Variants in GTF3C4 observed in about 807,000 individuals in gnomAD.
GTF3C4 encodes general transcription factor 3C polypeptide 4.
A neutral mutation model predicts 67.5 loss-of-function variants in GTF3C4; 28 were observed. The ratio of observed to expected loss-of-function variants is 0.41; its 90% CI spans 0.31 to 0.57. GTF3C4 has a LOEUF of 0.57. Among genes scored for constraint, GTF3C4 ranks in the 20% least tolerant of loss-of-function variants. The pLI is 0.21. For missense variants in GTF3C4, 831 were observed against 1,033.2 expected (o/e 0.80, Z 2.68); for synonymous variants, 409 against 393.0 (o/e 1.04, Z -0.48).
At chr9:132,677,101 A>G (rs74438718) in intron 1 of GTF3C4, among the ~76,000 whole-genome samples, 15,755 of 151,976 alleles carry the variant, frequency 0.1, 973 homozygotes, top group Admixed American at 0.18. Context: ...TCCCTTTAAA[A>G]TCTTATTAAA....
chr9:132,670,066 G>C, upstream of GTF3C4: 1 of 1,562,644 alleles, frequency 6.4e-7, no homozygotes, highest in East Asian at 2.4e-5. Flanking sequence ...CAGCTGTACG[G>C]ACTCGTCCCG....
At position 132,678,449 on chromosome 9, in the gene GTF3C4, C is replaced by T; in HGVS notation, c.830C>T (p.Ala277Val). Residue 277 changes from alanine to valine, a missense_variant, in exon 2 of 5, where the codon GCT (alanine) becomes GTT (valine). Physicochemically the swap from Ala to Val is moderately conservative, Grantham distance 64. This residue lies in a region of GTF3C4 where 390 missense variants were observed against 540.3 expected (regional missense o/e 0.72). Transcript: ENST00000372146. This position sits in a 1 kb window ranked among gnomAD's most constrained non-coding sequence, Gnocchi z 6.5. ...ECRDVGSVLLAVLFENGNIAV... is the reference protein window; with the variant it reads ...ECRDVGSVLLVVLFENGNIAV... ...CGGGACGTTGGCAGTGTGCTCCTGG[C>T]TGTCCTCTTTGAAAACGGTAATATC... 2 of 1,614,214 alleles carry T rather than the reference C, an allele frequency of 1.2e-6. No homozygotes were observed. Among genetic ancestry groups the T allele is most frequent in the Non-Finnish European group, 1.7e-6 (2 of 1,180,032 alleles).
chr9:132,670,993 T>G (rs747158641), intron 1 of GTF3C4, 38 bp downstream of exon 1: 2 of 1,400,856 alleles, frequency 1.4e-6, no homozygotes, highest in Non-Finnish European at 2.0e-6. Context: ...TCTTCCCCTG[T>G]CCCCCTCTCG....
At chr9:132,673,754 G>A (rs779969890) in intron 1 of GTF3C4, among the ~76,000 whole-genome samples, 8 of 152,156 alleles carry the variant, frequency 5.3e-5, no homozygotes, top group African/African-American at 1.9e-4. Flanking sequence ...CTATAATTCT[G>A]TTATTTAGAT....
At chr9:132,685,473 A>C (rs1475970085) in intron 3 of GTF3C4, among the ~76,000 whole-genome samples, 1 of 150,594 alleles carries the variant, frequency 6.6e-6, no homozygotes, top group African/African-American at 2.4e-5. Flanking sequence ...TTACCCCCTT[A>C]TTATAATTTG....
chr9:132,677,066 T>G (rs900377568), intron 1 of GTF3C4, among the ~76,000 whole-genome samples: 2 of 152,194 alleles, frequency 1.3e-5, no homozygotes, highest in Non-Finnish European at 2.9e-5. Context: ...CTTTTGGTCA[T>G]TTATCTCTTC....
chr9:132,684,592 C>T (rs1013742335), intron 3 of GTF3C4, among the ~76,000 whole-genome samples: 8 of 152,196 alleles, frequency 5.3e-5, no homozygotes, highest in African/African-American at 1.9e-4. Context: ...TTTGTCCTCC[C>T]GCTGACCTCA....
In GTF3C4 at chr9:132,678,076, C is replaced by T. The variant is rs965874077; in HGVS notation, c.457C>T (p.Pro153Ser). 7 of 1,614,042 alleles carry T rather than the reference C, an allele frequency of 4.3e-6. No homozygotes were observed. In the Admixed American group the frequency reaches 1.2e-4, roughly 27 times the overall value. ...QTFMLDRVFN[P>S]EGKALPPMRG... Reference sequence around the variant, plus strand: ...TTTCATGTTGGATAGGGTGTTCAACCCTGAGGGGAAGGCTTTACCACCAAT... The same window carrying T: ...TTTCATGTTGGATAGGGTGTTCAACTCTGAGGGGAAGGCTTTACCACCAAT... Residue 153 changes from proline to serine, a missense_variant, in exon 2 of 5, where the codon CCT becomes TCT. Pro to Ser is a moderately conservative substitution (Grantham distance 74). This residue lies in a region of GTF3C4 where 390 missense variants were observed against 540.3 expected (regional missense o/e 0.72). Transcript: ENST00000372146. This position sits in a 1 kb window ranked among gnomAD's most constrained non-coding sequence, Gnocchi z 6.5.
At position 132,691,850 on chromosome 9, in the gene GTF3C4, A is replaced by G. The variant is rs945477077; in HGVS notation, c.*2905A>G. Reference sequence around the variant, plus strand: ...TTTTTGAGAATGTTAATGTTGAAGTATGCAGGCTGGACCTACCAGCAAGTT... The same window carrying G: ...TTTTTGAGAATGTTAATGTTGAAGTGTGCAGGCTGGACCTACCAGCAAGTT... On this transcript the variant is annotated 3_prime_UTR_variant, in exon 5 of 5. Transcript: ENST00000372146. 6.6e-6 allele frequency: 1 copy of G among 152,246 alleles called. No homozygotes were observed. Among genetic ancestry groups the G allele is most frequent in the African/African-American group, 2.4e-5 (1 of 41,462 alleles). 9.4% of individuals were successfully genotyped at this position (152,246 alleles called of 1,614,324 possible).
chr9:132,671,086 A>G, intron 1 of GTF3C4, 131 bp downstream of exon 1: 1 of 677,226 alleles, frequency 1.5e-6, no homozygotes, highest in Non-Finnish European at 2.5e-6. Flanking sequence ...CTGGGGATTT[A>G]TTAAGCAGCC....
chr9:132,678,269 A>G lies in GTF3C4; in HGVS notation c.650A>G (p.Tyr217Cys), dbSNP rs1835891422. The change falls in exon 2 of 5, where the codon TAT (tyrosine) becomes TGT (cysteine). Residue 217 changes from tyrosine to cysteine, a missense_variant. Around this residue, in one of 4 missense-constraint regions of GTF3C4, gnomAD observed 390 missense variants for 540.3 expected, o/e 0.72. Coordinates refer to ENST00000372146, the MANE Select transcript of GTF3C4 (RefSeq NM_012204.4). The surrounding 1 kb of genome is among the most constrained non-coding windows in gnomAD (Gnocchi z 6.5). ...DLTEIYGERL[Y>C]ETSYRLSKNE... ...ACTGAGATCTATGGAGAACGTCTTT[A>G]TGAGACCAGTTACAGGCTCTCTAAA... is the stretch of plus-strand genomic sequence containing the variant. The G allele has an allele frequency of 6.2e-7, 1 of 1,614,216 alleles. No homozygotes were observed. Among genetic ancestry groups the G allele is most frequent in the Non-Finnish European group, 8.5e-7 (1 of 1,180,032 alleles).
chr9:132,679,955 C>A lies in GTF3C4; in HGVS notation c.2184+152C>A. 2 of 611,722 alleles carry A rather than the reference C, an allele frequency of 3.3e-6. No individual in the cohort carries two copies. The highest frequency in any genetic ancestry group is 5.6e-6 in the Non-Finnish European group (2 of 357,418). 37.9% of individuals were successfully genotyped at this position (611,722 alleles called of 1,614,324 possible). A position where few individuals can be genotyped will look rare whatever the true frequency, so the allele number is the denominator to read the frequency against. On this transcript the variant is annotated intron_variant, in intron 2 of 4. Transcript: ENST00000372146. This position sits in a 1 kb window ranked among gnomAD's most constrained non-coding sequence, Gnocchi z 5.9. ...GAGGTGCAGGGTAATAAATAGGAAG[C>A]GTGGATTAATGCAGAGGATGCATTC... is the stretch of plus-strand genomic sequence containing the variant.
intron 1 of GTF3C4, among the ~76,000 whole-genome samples, chr9:132,672,142 A>T (rs546848916): frequency 6.6e-6 from 1 of 152,230 alleles, no homozygotes; most frequent in African/African-American, 2.4e-5. Context: ...CAAATCAGAT[A>T]GACAGATGCA....
At chr9:132,688,024 T>C (rs962028559) in intron 4 of GTF3C4, among the ~76,000 whole-genome samples, 21 of 152,260 alleles carry the variant, frequency 1.4e-4, no homozygotes, top group Non-Finnish European at 4.4e-5. Context: ...ACATAAATTC[T>C]TGAGCTTTGC....
At chr9:132,688,324 A>G (rs1339809814) in intron 4 of GTF3C4, among the ~76,000 whole-genome samples, 1 of 152,238 alleles carries the variant, frequency 6.6e-6, no homozygotes, top group African/African-American at 2.4e-5. Flanking sequence ...TAGGCAGGAA[A>G]TCTGGAAGAG....
At chr9:132,670,319 G>A, upstream of GTF3C4, 3 of 1,481,608 alleles carry the variant, frequency 2.0e-6, no homozygotes, top group East Asian at 2.4e-5. Flanking sequence ...AGCCTGTCTG[G>A]GTAGCTCCCT....
chr9:132,687,253 A>G lies in GTF3C4; in HGVS notation c.2330A>G (p.Tyr777Cys), dbSNP rs1836045572. The G allele has an allele frequency of 6.4e-7, 1 of 1,565,036 alleles. No homozygotes were observed. Residue 777 changes from tyrosine to cysteine, a missense_variant, in exon 4 of 5, where the codon TAC becomes TGC. Coordinates refer to ENST00000372146, the MANE Select transcript of GTF3C4 (RefSeq NM_012204.4). ...GHIWLRCFLT[Y>C]QSCQSLIYRR... Reference sequence around the variant, plus strand: ...TCTTCTTTCAGGTGCTTCTTAACCTACCAGTCCTGCCAGAGTTTGATATAT... The same window carrying G: ...TCTTCTTTCAGGTGCTTCTTAACCTGCCAGTCCTGCCAGAGTTTGATATAT...
In GTF3C4 at chr9:132,670,615, A is replaced by G; in HGVS notation, c.17A>G (p.Gln6Arg). 6.9e-7 allele frequency: 1 copy of G among 1,447,676 alleles called. No individual in the cohort carries two copies. 89.7% of individuals were successfully genotyped at this position (1,447,676 alleles called of 1,614,324 possible). Reference sequence around the variant, plus strand: ...TGAGAGAAGATGAACACGGCCGACCAGGCCCGGGTGGGGCCCGCGGACGAC... The same window carrying G: ...TGAGAGAAGATGAACACGGCCGACCGGGCCCGGGTGGGGCCCGCGGACGAC... MNTADQARVGPADDGP... is the reference protein window; with the variant it reads MNTADRARVGPADDGP... Residue 6 changes from glutamine to arginine, a missense_variant, in exon 1 of 5, where the codon CAG becomes CGG. Coordinates refer to ENST00000372146, the MANE Select transcript of GTF3C4 (RefSeq NM_012204.4).
Position 132,670,505 on chromosome 9 carries a change from C to A in GTF3C4, c.-94C>A. The A allele has an allele frequency of 9.0e-7, 1 of 1,109,764 alleles. No individual in the cohort carries two copies. Among genetic ancestry groups the A allele is most frequent in the Non-Finnish European group, 1.2e-6 (1 of 832,700 alleles). The allele number at this position is 1,109,764 out of a possible 1,614,324, so 68.7% of individuals were successfully genotyped here. A position where few individuals can be genotyped will look rare whatever the true frequency, so the allele number is the denominator to read the frequency against. ...TCGGGGCCTGAGGGGAGAAAACCGC[C>A]GCGGAGGGCGCTGGGGGTGGCGGCG... is the stretch of plus-strand genomic sequence containing the variant. On this transcript the variant is annotated 5_prime_UTR_variant, in exon 1 of 5. Coordinates refer to ENST00000372146, the MANE Select transcript of GTF3C4 (RefSeq NM_012204.4).
Sources: allele counts gnomAD v4.1 joint callset (sites outside exome capture counted in the v4.1 genomes callset), GRCh38; gene constraint gnomAD v4.1.1; regional missense constraint gnomAD v4.1.1; non-coding constraint Gnocchi (gnomAD v3.1); transcripts MANE v1.5; gene names NCBI Gene and HGNC (gene_info 2026-07-23, HGNC 2026-07-21).